Variants in BMAL2 observed in about 807,000 individuals in gnomAD.
BMAL2 encodes basic helix-loop-helix ARNT like 2, also known as basic helix-loop-helix ARNT-like protein 2.
the BMAL2 span, among the ~76,000 whole-genome samples, chr12:27,341,266 C>G: frequency 2.6e-5 from 4 of 152,126 alleles, no homozygotes; most frequent in East Asian, 3.9e-4. Flanking sequence ...GTAGATGGCT[C>G]TTATTATTTT....
At chr12:27,404,806 C>T in the BMAL2 span, among the ~76,000 whole-genome samples, 1,079 of 152,254 alleles carry the variant, frequency 7.1e-3, 11 homozygotes, top group East Asian at 0.05. Flanking sequence ...GGTGAGGCAT[C>T]GCCTCACCCG....
At chr12:27,356,603 T>G in the BMAL2 span, among the ~76,000 whole-genome samples, 151,060 of 152,282 alleles carry the variant, frequency 0.99, 74,939 homozygotes, top group Middle Eastern at 1. Flanking sequence ...GAAGTAGAAA[T>G]GAGAAAAATC....
the BMAL2 span, among the ~76,000 whole-genome samples, chr12:27,411,422 T>A: frequency 6.6e-6 from 1 of 151,598 alleles, no homozygotes; most frequent in Non-Finnish European, 1.5e-5. Flanking sequence ...TTCAAGACCA[T>A]CCTGGGCAAC....
At chr12:27,422,698 GAAAGATCCC>G in the BMAL2 span, 1 of 152,234 alleles carries the variant, frequency 6.6e-6, no homozygotes, top group Admixed American at 6.5e-5. Flanking sequence ...AAAGAAGTAT[GAAAGATCCC>G]CTGTGTTCTC....
the BMAL2 span, chr12:27,394,326 G>T: frequency 6.6e-6 from 1 of 152,168 alleles, no homozygotes; most frequent in African/African-American, 2.4e-5. Context: ...AACTCTGGTG[G>T]CTTGAGTCCC....
At chr12:27,400,558 A>G in the BMAL2 span, 7 of 1,612,906 alleles carry the variant, frequency 4.3e-6, no homozygotes, top group South Asian at 5.5e-5. Context: ...TATACTATCC[A>G]TTGCACTGGT....
the BMAL2 span, chr12:27,420,584 C>T: frequency 2.8e-5 from 42 of 1,502,324 alleles, no homozygotes; most frequent in East Asian, 3.7e-4. Context: ...ATTTCATTTA[C>T]GAAAAACTGT....
chr12:27,372,908 C>T, the BMAL2 span, among the ~76,000 whole-genome samples: 16 of 152,254 alleles, frequency 1.1e-4, no homozygotes, highest in South Asian at 2.5e-3. Flanking sequence ...CTCCTGACCT[C>T]GTGATCTGCC....
chr12:27,403,196 G>A, the BMAL2 span, among the ~76,000 whole-genome samples: 1 of 152,148 alleles, frequency 6.6e-6, no homozygotes, highest in Non-Finnish European at 1.5e-5. Flanking sequence ...TATTGCTGTG[G>A]AGATTAAAGT....
the BMAL2 span, among the ~76,000 whole-genome samples, chr12:27,413,320 C>T: frequency 6.6e-6 from 1 of 152,048 alleles, no homozygotes; most frequent in Admixed American, 6.5e-5. Context: ...ATTATAGCTA[C>T]AATAATTTGT....
the BMAL2 span, chr12:27,370,091 T>G: frequency 6.7e-7 from 1 of 1,491,698 alleles, no homozygotes. Flanking sequence ...TCCCAGAACA[T>G]CTGGGTAGGG....
the BMAL2 span, among the ~76,000 whole-genome samples, chr12:27,379,730 A>G: frequency 1.3e-5 from 2 of 152,144 alleles, no homozygotes; most frequent in Non-Finnish European, 2.9e-5. Context: ...ATTGAGTGGA[A>G]ATTGCACTCT....
the BMAL2 span, among the ~76,000 whole-genome samples, chr12:27,388,728 G>A: frequency 6.6e-6 from 1 of 151,928 alleles, no homozygotes; most frequent in Non-Finnish European, 1.5e-5. Flanking sequence ...GAAGTGAGAG[G>A]TATTCTGGGT....
At chr12:27,404,960 C>A in the BMAL2 span, among the ~76,000 whole-genome samples, 452 of 152,334 alleles carry the variant, frequency 3.0e-3, 2 homozygotes, top group African/African-American at 9.6e-3. Flanking sequence ...TATCCCATGC[C>A]TGGCTCGGAG....
the BMAL2 span, chr12:27,385,420 T>A: frequency 1.0e-6 from 1 of 1,003,766 alleles, no homozygotes; most frequent in African/African-American, 1.6e-5. Context: ...TTGCTAATGT[T>A]CATTAAGCAT....
chr12:27,386,314 C>G, the BMAL2 span, among the ~76,000 whole-genome samples: 2 of 152,144 alleles, frequency 1.3e-5, no homozygotes, highest in Admixed American at 6.5e-5. Context: ...GCTCGTCAGT[C>G]GTACCTTCAT....
At chr12:27,343,883 T>C in the BMAL2 span, among the ~76,000 whole-genome samples, 1 of 152,354 alleles carries the variant, frequency 6.6e-6, no homozygotes, top group African/African-American at 2.4e-5. Context: ...TGGTTTCCCT[T>C]GACTCCAGTT....
chr12:27,342,415 C>T, the BMAL2 span, among the ~76,000 whole-genome samples: 1 of 152,132 alleles, frequency 6.6e-6, no homozygotes, highest in Non-Finnish European at 1.5e-5. Context: ...TATAGAAATG[C>T]AGATTTTAAG....
At chr12:27,393,262 T>TCC in the BMAL2 span, among the ~76,000 whole-genome samples, 2 of 152,218 alleles carry the variant, frequency 1.3e-5, no homozygotes, top group Non-Finnish European at 2.9e-5. Context: ...CTCCCTGATA[T>TCC]TCAGGAGAAT....
Sources: allele counts gnomAD v4.1 joint callset (sites outside exome capture counted in the v4.1 genomes callset), GRCh38; gene constraint gnomAD v4.1.1; transcripts MANE v1.5; gene names NCBI Gene and HGNC (gene_info 2026-07-23, HGNC 2026-07-21).